The following PLEKHG1 variants were observed in gnomAD, a reference collection of about 807,000 sequenced individuals.
The protein encoded by PLEKHG1 is pleckstrin homology and RhoGEF domain containing G1, also known as pleckstrin homology domain-containing family G member 1.
A neutral mutation model predicts 100.8 loss-of-function variants in PLEKHG1; 44 were observed. The observed-to-expected ratio is 0.44, with a 90% CI of 0.34 to 0.56. The LOEUF (loss-of-function observed/expected upper bound fraction) is 0.56. Ranked by LOEUF, PLEKHG1 falls within the 20% of genes least tolerant of loss-of-function variation. The pLI is 0.01. For missense variants in PLEKHG1, 1,545 were observed against 1,720.9 expected (o/e 0.90, Z 1.81); for synonymous variants, 640 against 662.5 (o/e 0.97, Z 0.52).
intron 1 of PLEKHG1, among the ~76,000 whole-genome samples, chr6:150,603,968 G>C (rs765012936): frequency 6.6e-6 from 1 of 152,048 alleles, no homozygotes; most frequent in African/African-American, 2.4e-5. Flanking sequence ...GCTTTCACTC[G>C]GTCTTTAATT....
At chr6:150,711,698 G>A (rs1181885809) in intron 3 of PLEKHG1, among the ~76,000 whole-genome samples, 1 of 152,108 alleles carries the variant, frequency 6.6e-6, no homozygotes, top group Non-Finnish European at 1.5e-5. Context: ...ATAAAGGCAG[G>A]GGTGTTTATC....
chr6:150,727,793 T>C (rs1484582926), intron 1 of PLEKHG1, among the ~76,000 whole-genome samples: 2 of 152,180 alleles, frequency 1.3e-5, no homozygotes, highest in Non-Finnish European at 2.9e-5. Flanking sequence ...TCAAAAGATA[T>C]ACCTGATATA....
At chr6:150,811,733 T>C (rs1787545031) in intron 10 of PLEKHG1, among the ~76,000 whole-genome samples, 1 of 150,668 alleles carries the variant, frequency 6.6e-6, no homozygotes, top group Non-Finnish European at 1.5e-5. Context: ...AGGCAGGGGC[T>C]GGGGCAGGGA....
chr6:150,804,718 C>T, exon 7 of PLEKHG1: 2 of 1,613,730 alleles, frequency 1.2e-6, no homozygotes, highest in Non-Finnish European at 1.7e-6. Context: ...GAAGCGGAAA[C>T]ACGAGCACGC....
chr6:150,618,337 G>A (rs2128555968), intron 1 of PLEKHG1, among the ~76,000 whole-genome samples: 1 of 152,308 alleles, frequency 6.6e-6, no homozygotes, highest in African/African-American at 2.4e-5. Flanking sequence ...GGCTTTTTCT[G>A]TGTGTGCTAT....
At chr6:150,611,072 C>G (rs1351967846) in intron 1 of PLEKHG1, among the ~76,000 whole-genome samples, 3 of 152,192 alleles carry the variant, frequency 2.0e-5, no homozygotes, top group Admixed American at 1.3e-4. Context: ...GCATATAGAT[C>G]ATGCCATACT....
At chr6:150,747,769 G>A (rs2128626574) in intron 2 of PLEKHG1, among the ~76,000 whole-genome samples, 1 of 152,160 alleles carries the variant, frequency 6.6e-6, no homozygotes, top group East Asian at 1.9e-4. Context: ...GGTGGCGCAT[G>A]TGTGTAATGC....
intron 3 of PLEKHG1, among the ~76,000 whole-genome samples, chr6:150,659,600 G>C (rs577655001): frequency 2.4e-4 from 36 of 152,330 alleles, no homozygotes; most frequent in African/African-American, 8.7e-4. Context: ...CTATGGAGCA[G>C]CAGCGGGAGT....
At chr6:150,826,080 G>A (rs1190084118) in intron 14 of PLEKHG1, among the ~76,000 whole-genome samples, 1 of 152,090 alleles carries the variant, frequency 6.6e-6, no homozygotes, top group Admixed American at 6.5e-5. Flanking sequence ...CACTCAGGAG[G>A]CTGAGGCAGG....
intron 2 of PLEKHG1, among the ~76,000 whole-genome samples, chr6:150,766,837 A>C (rs73783104): frequency 1.3e-5 from 2 of 152,150 alleles, no homozygotes; most frequent in African/African-American, 2.4e-5. Context: ...GAAGTGAGAG[A>C]AAGGATTGTT....
chr6:150,720,156 T>A (rs1781606409), upstream of PLEKHG1, among the ~76,000 whole-genome samples: 2 of 152,236 alleles, frequency 1.3e-5, no homozygotes, highest in Non-Finnish European at 2.9e-5. Context: ...ATTTTGAATT[T>A]GAGTTCCACA....
At chr6:150,723,242 C>T (rs13220182) in intron 1 of PLEKHG1, among the ~76,000 whole-genome samples, 5 of 134,492 alleles carry the variant, frequency 3.7e-5, no homozygotes, top group Admixed American at 1.5e-4. Context: ...GTACAAACCC[C>T]GGGGGGTGCA....
At chr6:150,794,170 CA>C (rs1199496689) in intron 4 of PLEKHG1, among the ~76,000 whole-genome samples, 2 of 151,842 alleles carry the variant, frequency 1.3e-5, no homozygotes, top group Non-Finnish European at 2.9e-5. Context: ...AACTCACTTG[CA>C]AAAGGAAGAA....
At chr6:150,695,431 A>T (rs9942453) in intron 3 of PLEKHG1, among the ~76,000 whole-genome samples, 5,655 of 152,306 alleles carry the variant, frequency 0.037, 333 homozygotes, top group African/African-American at 0.13. Flanking sequence ...TGTTCTACAA[A>T]CTAGGATCCT....
intron 1 of PLEKHG1, among the ~76,000 whole-genome samples, chr6:150,619,294 C>T (rs542864753): frequency 1.1e-3 from 173 of 152,256 alleles, no homozygotes; most frequent in Non-Finnish European, 1.8e-3. Context: ...CCCCTGCCTG[C>T]GTTCGCCTTT....
intron 13 of PLEKHG1, among the ~76,000 whole-genome samples, chr6:150,821,855 T>C (rs1228964449): frequency 6.6e-6 from 1 of 151,292 alleles, no homozygotes; most frequent in African/African-American, 2.4e-5. Flanking sequence ...TTTTTTTATT[T>C]TTTGAGACAG....
At chr6:150,688,016 G>A (rs906805164) in intron 3 of PLEKHG1, among the ~76,000 whole-genome samples, 3 of 152,158 alleles carry the variant, frequency 2.0e-5, no homozygotes, top group East Asian at 1.9e-4. Flanking sequence ...AGCCTGATAA[G>A]TATTCACTGC....
chr6:150,830,691 G>C (rs982965048), exon 15 of PLEKHG1: 4 of 1,614,152 alleles, frequency 2.5e-6, no homozygotes, highest in Non-Finnish European at 3.4e-6. Flanking sequence ...CGAGCGGGTG[G>C]AGCTCTCAGA....
At position 150,698,499 on chromosome 6, in the gene PLEKHG1, T is replaced by TATACAC. The variant is rs66635945; in HGVS notation, c.-98-35084_-98-35083insTACACA. ...TTGCGTGTGTATACAATACTATATA[T>TATACAC]ACACACACACGTACATGAAAAAGTA... is the stretch of plus-strand genomic sequence containing the variant. On this transcript the variant is annotated intron_variant, in intron 3 of 3. Coordinates refer to the PLEKHG1 transcript ENST00000367326. Among the ~76,000 whole-genome samples, 47 of 151,906 alleles carry TATACAC rather than the reference T, an allele frequency of 3.1e-4. 1 individual carries two copies. Among genetic ancestry groups the TATACAC allele is most frequent in the African/African-American group, 9.4e-4 (39 of 41,420 alleles).
Sources: allele counts gnomAD v4.1 joint callset (sites outside exome capture counted in the v4.1 genomes callset), GRCh38; gene constraint gnomAD v4.1.1; transcripts MANE v1.5; gene names NCBI Gene and HGNC (gene_info 2026-07-23, HGNC 2026-07-21).